SCHIP1: variants seen among roughly 807,000 people sequenced by gnomAD.
The protein encoded by SCHIP1 is schwannomin interacting protein 1.
SCHIP1 carries 8 observed loss-of-function variants against 29.7 expected under a neutral mutation model. The observed-to-expected ratio is 0.27, with a 90% CI of 0.16 to 0.49. The LOEUF (loss-of-function observed/expected upper bound fraction) is 0.49, where lower values mean the gene tolerates loss of function less well. Ranked by LOEUF, SCHIP1 falls within the 20% of genes least tolerant of loss-of-function variation. The pLI, the probability that SCHIP1 is intolerant of heterozygous loss-of-function variation, is 0.99. For missense variants in SCHIP1, 193 were observed against 294.6 expected (o/e 0.66, Z 2.52); for synonymous variants, 76 against 94.9 (o/e 0.80, Z 1.16).
At chr3:159,496,041 G>T in the SCHIP1 span, among the ~76,000 whole-genome samples, 79 of 152,266 alleles carry the variant, frequency 5.2e-4, no homozygotes, top group South Asian at 0.015. Context: ...TAGGAAAACT[G>T]GCTAGCCATA....
the SCHIP1 span, among the ~76,000 whole-genome samples, chr3:159,413,606 G>A: frequency 6.6e-6 from 1 of 152,046 alleles, no homozygotes; most frequent in Non-Finnish European, 1.5e-5. Context: ...GGCTTTTATG[G>A]AAAATGACAC....
chr3:159,594,136 T>C, the SCHIP1 span, among the ~76,000 whole-genome samples: 3 of 152,220 alleles, frequency 2.0e-5, no homozygotes, highest in Non-Finnish European at 4.4e-5. Flanking sequence ...TGCCTTTATC[T>C]CTTTGTCAAA....
chr3:159,600,757 G>A, the SCHIP1 span, among the ~76,000 whole-genome samples: 7 of 151,954 alleles, frequency 4.6e-5, no homozygotes, highest in African/African-American at 1.7e-4. Flanking sequence ...CATTTCCTGT[G>A]CTCTTACATT....
the SCHIP1 span, among the ~76,000 whole-genome samples, chr3:159,557,430 T>C: frequency 6.6e-6 from 1 of 152,184 alleles, no homozygotes; most frequent in African/African-American, 2.4e-5. Flanking sequence ...TCATAATCCA[T>C]AGAAGGACTA....
the SCHIP1 span, among the ~76,000 whole-genome samples, chr3:159,574,570 G>C: frequency 6.6e-6 from 1 of 152,208 alleles, no homozygotes; most frequent in South Asian, 2.1e-4. Flanking sequence ...CGGGGGTCAG[G>C]GACCCACTTG....
At chr3:159,383,565 G>T in the SCHIP1 span, among the ~76,000 whole-genome samples, 1 of 148,892 alleles carries the variant, frequency 6.7e-6, no homozygotes, top group South Asian at 2.1e-4. Context: ...TTGTTCTTTT[G>T]GCTTAGGATT....
the SCHIP1 span, among the ~76,000 whole-genome samples, chr3:159,422,816 G>T: frequency 6.6e-6 from 1 of 152,098 alleles, no homozygotes; most frequent in Non-Finnish European, 1.5e-5. Flanking sequence ...CCATTGTGTG[G>T]GTATACCAAA....
At chr3:159,306,964 G>A in the SCHIP1 span, among the ~76,000 whole-genome samples, 2 of 151,826 alleles carry the variant, frequency 1.3e-5, no homozygotes, top group African/African-American at 4.8e-5. Flanking sequence ...TACTACTCTC[G>A]GGATTTAATC....
At chr3:159,366,909 C>G in the SCHIP1 span, among the ~76,000 whole-genome samples, 6 of 152,274 alleles carry the variant, frequency 3.9e-5, no homozygotes, top group East Asian at 9.6e-4. Flanking sequence ...TGTGCTATCA[C>G]TATGATTTCA....
the SCHIP1 span, among the ~76,000 whole-genome samples, chr3:159,573,433 G>A: frequency 6.6e-6 from 1 of 152,076 alleles, no homozygotes; most frequent in African/African-American, 2.4e-5. Context: ...GTTGAATATT[G>A]GCCCCCACTC....
At chr3:159,889,988 G>A (rs942029488) in intron 5 of SCHIP1, among the ~76,000 whole-genome samples, 4 of 151,848 alleles carry the variant, frequency 2.6e-5, no homozygotes, top group Admixed American at 1.3e-4. Context: ...CCAGCTACTC[G>A]GGAGGCTGAG....
At chr3:159,884,351 G>C (rs1444460146) in intron 2 of SCHIP1, among the ~76,000 whole-genome samples, 3 of 118,376 alleles carry the variant, frequency 2.5e-5, no homozygotes, top group Non-Finnish European at 5.5e-5. Flanking sequence ...GTCTGTGTCT[G>C]TGTGTGTGTG....
chr3:159,415,441 G>T, the SCHIP1 span, among the ~76,000 whole-genome samples: 1 of 152,066 alleles, frequency 6.6e-6, no homozygotes, highest in African/African-American at 2.4e-5. Context: ...TACTCTTCTT[G>T]CTCCTCCCAC....
chr3:159,341,227 C>T, the SCHIP1 span, among the ~76,000 whole-genome samples: 1 of 150,830 alleles, frequency 6.6e-6, no homozygotes, highest in Non-Finnish European at 1.5e-5. Flanking sequence ...AGTGCTGCCG[C>T]CTTACTGCCC....
intron 2 of SCHIP1, among the ~76,000 whole-genome samples, chr3:159,876,503 G>A (rs1042383047): frequency 8.5e-5 from 13 of 152,198 alleles, no homozygotes; most frequent in Admixed American, 5.9e-4. Context: ...GTGCCTGGAC[G>A]AGAGTCAGTG....
the SCHIP1 span, among the ~76,000 whole-genome samples, chr3:159,299,586 G>C: frequency 6.6e-6 from 1 of 152,158 alleles, no homozygotes; most frequent in East Asian, 1.9e-4. Context: ...AAAAATGTGT[G>C]TTCCTCATTT....
the SCHIP1 span, among the ~76,000 whole-genome samples, chr3:159,703,834 C>G: frequency 6.6e-6 from 1 of 152,180 alleles, no homozygotes; most frequent in Non-Finnish European, 1.5e-5. Context: ...ACTTACTCTT[C>G]ATTCTCTTGC....
At chr3:159,507,131 C>G in the SCHIP1 span, among the ~76,000 whole-genome samples, 2 of 152,272 alleles carry the variant, frequency 1.3e-5, no homozygotes, top group South Asian at 4.1e-4. Flanking sequence ...TTTGTATCCT[C>G]TTTTATTTCG....
chr3:159,274,488 T>C, the SCHIP1 span: 1 of 714,332 alleles, frequency 1.4e-6, no homozygotes, highest in Non-Finnish European at 1.7e-6. Flanking sequence ...GCTATTGAAA[T>C]AGTACTTTTA....
Sources: gnomAD v4.1 joint callset for allele counts (sites outside exome capture counted in the v4.1 genomes callset) on GRCh38, gnomAD v4.1.1 for gene constraint, MANE v1.5 for transcripts, NCBI Gene and HGNC (gene_info 2026-07-23, HGNC 2026-07-21) for gene names.